The following FRAS1 variants were observed in gnomAD, a reference collection of about 807,000 sequenced individuals.
FRAS1 encodes the protein Fraser extracellular matrix complex subunit 1.
Under a neutral mutation model 435.2 loss-of-function variants are expected in FRAS1, and 290 were observed. That is an observed-to-expected ratio of 0.67 (90% CI 0.61 to 0.73). FRAS1 has a LOEUF of 0.73. Ranked by LOEUF, FRAS1 falls within the 30% of genes least tolerant of loss-of-function variation. The pLI is 0.00. For missense variants in FRAS1, 4,860 were observed against 5,001.5 expected (o/e 0.97, Z 0.85); for synonymous variants, 1,800 against 1,851.0 (o/e 0.97, Z 0.71).
rs532794123 is a variant in FRAS1, at chr4:78,428,721, A to G, written c.4712-374A>G. 3.9e-5 allele frequency among the ~76,000 whole-genome samples: 6 copies of G among 152,350 alleles called. No individual in the cohort carries two copies. In the South Asian group the frequency reaches 1.2e-3, roughly 32 times the overall value. ...AATAATAAGGGAATGAATTGAATCA[A>G]GAAATATTTCCATAATCAAAAGCCT... On this transcript the variant is annotated intron_variant, in intron 35 of 73. Transcript: ENST00000512123.
intron 2 of FRAS1, among the ~76,000 whole-genome samples, chr4:78,085,269 A>G (rs1056582762): frequency 1.3e-5 from 2 of 152,096 alleles, no homozygotes; most frequent in African/African-American, 4.8e-5. Flanking sequence ...CTGTGTTCGT[A>G]TGTTTAAGGG....
intron 26 of FRAS1, among the ~76,000 whole-genome samples, chr4:78,378,172 A>G (rs1452363076): frequency 6.6e-6 from 1 of 152,148 alleles, no homozygotes; most frequent in African/African-American, 2.4e-5. Context: ...AACTTACAAT[A>G]TATGGCCTTT....
At position 78,470,037 on chromosome 4, in the gene FRAS1, G is replaced by A. The variant is rs369764135; in HGVS notation, c.7317G>A (p.Thr2439=). 1.6e-5 allele frequency: 26 copies of A among 1,613,568 alleles called. No homozygotes were observed. Among genetic ancestry groups the A allele is most frequent in the Middle Eastern group, 1.6e-4 (1 of 6,080 alleles). The part of the protein sequence containing the change: ...RVDILPVDDG[T]PRIVTNLGLQ... ...ACATCCTCCCGGTAGATGATGGCACGCCTAGAATTGTCACCAACCTGGGAC... is the reference window on the plus strand; with the variant it reads ...ACATCCTCCCGGTAGATGATGGCACACCTAGAATTGTCACCAACCTGGGAC... The change falls in exon 51 of 74, where the codon ACG becomes ACA. Residue 2439 remains threonine (T), a synonymous_variant. Coordinates refer to ENST00000512123, the MANE Select transcript of FRAS1 (RefSeq NM_025074.7).
intron 2 of FRAS1, among the ~76,000 whole-genome samples, chr4:78,235,058 T>C (rs1479608739): frequency 6.6e-6 from 1 of 152,166 alleles, no homozygotes; most frequent in Non-Finnish European, 1.5e-5. Flanking sequence ...TGGGCAGAAA[T>C]GCTATATTTT....
intron 2 of FRAS1, among the ~76,000 whole-genome samples, chr4:78,102,548 C>A (rs1311393510): frequency 6.6e-6 from 1 of 152,096 alleles, no homozygotes; most frequent in Non-Finnish European, 1.5e-5. Context: ...TTAAGATGAC[C>A]CTGGCGACCA....
intron 15 of FRAS1, among the ~76,000 whole-genome samples, chr4:78,309,537 G>A (rs924743038): frequency 9.9e-5 from 15 of 152,188 alleles, no homozygotes; most frequent in Non-Finnish European, 2.1e-4. Context: ...CTTGCTTAAG[G>A]TCACACAGCT....
In FRAS1 at chr4:78,519,445, T is replaced by G; in HGVS notation, c.10504T>G (p.Phe3502Val). ...ASLEHHTEME[F>V]SFFYDTVLWR... ...CTTGGAGCACCACACCGAGATGGAG[T>G]TTTCTTTCTTCTATGACACTGTTCT... Residue 3502 changes from phenylalanine (F) to valine (V), a missense_variant, in exon 67 of 74, where the codon TTT becomes GTT. Physicochemically the swap from Phe to Val is conservative, Grantham distance 50. Coordinates refer to ENST00000512123, the MANE Select transcript of FRAS1 (RefSeq NM_025074.7). The G allele has an allele frequency of 6.2e-7, 1 of 1,604,504 alleles. No homozygotes were observed. Among genetic ancestry groups the G allele is most frequent in the Non-Finnish European group, 8.5e-7 (1 of 1,176,020 alleles).
At chr4:78,143,903 CAAAAAAAA>C (rs60130624) in intron 2 of FRAS1, among the ~76,000 whole-genome samples, 1 of 78,118 alleles carries the variant, frequency 1.3e-5, no homozygotes, top group Non-Finnish European at 2.6e-5. Flanking sequence ...GACCCTGTCT[CAAAAAAAA>C]AAAAAAAAAA....
At chr4:78,239,487 T>C (rs947535480) in intron 3 of FRAS1, among the ~76,000 whole-genome samples, 1 of 152,214 alleles carries the variant, frequency 6.6e-6, no homozygotes, top group Non-Finnish European at 1.5e-5. Flanking sequence ...AATTTTGATA[T>C]AGTAGCCACA....
At chr4:78,066,694 T>C (rs1245623776) in intron 2 of FRAS1, among the ~76,000 whole-genome samples, 1 of 152,248 alleles carries the variant, frequency 6.6e-6, no homozygotes, top group Non-Finnish European at 1.5e-5. Flanking sequence ...TTCTTCACCA[T>C]GTTTTTATTT....
In FRAS1 at chr4:78,438,687, A is replaced by G; in HGVS notation, c.5335A>G (p.Thr1779Ala). The change falls in exon 39 of 74, where the codon ACA (threonine) becomes GCA (alanine). Residue 1779 changes from threonine (T) to alanine (A), a missense_variant. Transcript: ENST00000512123. ...VEELSEVSNF[T>A]MEDINNKKIR... ...AGAGCTCTCAGAAGTTTCCAATTTCACAATGGAAGACATCAATAACAAGAA... is the reference window on the plus strand; with the variant it reads ...AGAGCTCTCAGAAGTTTCCAATTTCGCAATGGAAGACATCAATAACAAGAA... 1 of 1,607,574 alleles carries G rather than the reference A, an allele frequency of 6.2e-7. No individual in the cohort carries two copies. Among genetic ancestry groups the G allele is most frequent in the Non-Finnish European group, 8.5e-7 (1 of 1,176,582 alleles).
At chr4:78,331,008 A>C (rs149623121) in intron 18 of FRAS1, among the ~76,000 whole-genome samples, 6,657 of 152,268 alleles carry the variant, frequency 0.044, 410 homozygotes, top group African/African-American at 0.14. Flanking sequence ...CTCCCCTGGA[A>C]GCCCAGCTTT....
chr4:78,483,846 A>G (rs1280766497), intron 58 of FRAS1, among the ~76,000 whole-genome samples: 2 of 146,490 alleles, frequency 1.4e-5, no homozygotes, highest in Non-Finnish European at 3.0e-5. Context: ...ACAAACATAC[A>G]CATACTTGCA....
intron 40 of FRAS1, 31 bp downstream of exon 40, chr4:78,439,095 G>A (rs1734552442): frequency 6.4e-7 from 1 of 1,565,288 alleles, no homozygotes. Context: ...TAAACAGTGA[G>A]TACTATAGAG....
At chr4:78,312,877 G>T (rs1161613390) in intron 15 of FRAS1, among the ~76,000 whole-genome samples, 1 of 147,036 alleles carries the variant, frequency 6.8e-6, no homozygotes, top group Admixed American at 6.9e-5. Context: ...GAGAGAGAGA[G>T]AGAGAAAGAA....
At chr4:78,432,138 A>G (rs1376333484) in intron 37 of FRAS1, among the ~76,000 whole-genome samples, 1 of 152,324 alleles carries the variant, frequency 6.6e-6, no homozygotes, top group East Asian at 1.9e-4. Context: ...CTATCTTGTA[A>G]AACAATGATC....
chr4:78,243,791 G>A (rs1725112803), intron 3 of FRAS1, among the ~76,000 whole-genome samples: 1 of 152,074 alleles, frequency 6.6e-6, no homozygotes, highest in African/African-American at 2.4e-5. Context: ...AAACTAATCT[G>A]GGGGCATGAA....
Position 78,264,771 on chromosome 4 carries a change from T to C in FRAS1, c.604-254T>C, listed in dbSNP as rs146948803. 1,174 of 522,088 alleles carry C rather than the reference T, an allele frequency of 2.2e-3. 12 individuals carry two copies. The highest frequency in any genetic ancestry group is 0.02 in the African/African-American group (1,073 of 52,544). The allele number at this position is 522,088 out of a possible 1,614,324, so 32.3% of individuals were successfully genotyped here. Reference sequence around the variant, plus strand: ...GGAAGACACCAAGAACCATTATTATTGTTATTTGTGCTTTTCTTTGTTTTT... The same window carrying C: ...GGAAGACACCAAGAACCATTATTATCGTTATTTGTGCTTTTCTTTGTTTTT... On this transcript the variant is annotated intron_variant, in intron 6 of 73. Transcript: ENST00000512123.
At chr4:78,165,145 A>C (rs753066687) in intron 2 of FRAS1, among the ~76,000 whole-genome samples, 15 of 152,192 alleles carry the variant, frequency 9.9e-5, no homozygotes, top group Non-Finnish European at 1.9e-4. Context: ...GAGCTTTCTG[A>C]GCTAAAGGTA....
Sources: gnomAD v4.1 joint callset for allele counts (sites outside exome capture counted in the v4.1 genomes callset) on GRCh38, gnomAD v4.1.1 for gene constraint, MANE v1.5 for transcripts, NCBI Gene and HGNC (gene_info 2026-07-23, HGNC 2026-07-21) for gene names.